The following ACAA2 variants were observed in gnomAD, a reference collection of about 807,000 sequenced individuals.
ACAA2 encodes the protein acetyl-CoA acyltransferase 2, also known as 3-ketoacyl-CoA thiolase, mitochondrial.
Under a neutral mutation model 44.8 loss-of-function variants are expected in ACAA2, and 35 were observed. The observed-to-expected ratio is 0.78, with a 90% CI of 0.60 to 1.04. The LOEUF is 1.04. Among genes scored for constraint, ACAA2 ranks in the 50% least tolerant of loss-of-function variants. The pLI, the probability that ACAA2 is intolerant of heterozygous loss-of-function variation, is 0.00. For missense variants in ACAA2, 468 were observed against 482.6 expected (o/e 0.97, Z 0.28); for synonymous variants, 142 against 166.5 (o/e 0.85, Z 1.13).
At chr18:49,795,515 G>A (rs1194251547) in intron 4 of ACAA2, among the ~76,000 whole-genome samples, 1 of 151,952 alleles carries the variant, frequency 6.6e-6, no homozygotes, top group East Asian at 1.9e-4. Flanking sequence ...CACTTACACA[G>A]GATAATTATA....
Position 49,794,290 on chromosome 18 carries a change from T to C in ACAA2, c.567A>G (p.Arg189=). The C allele has an allele frequency of 1.2e-6, 2 of 1,603,292 alleles. No individual in the cohort carries two copies. The highest frequency in any genetic ancestry group is 2.3e-4 in the Middle Eastern group (1 of 4,426). The part of the protein sequence containing the change: ...CDKYALQSQQ[R]WKAANDAGYF... ...TCCAGTTTCACTCACCAGCTTTCCATCTCTGCTGTGACTGCAGGGCATATT... is the reference window on the plus strand; with the variant it reads ...TCCAGTTTCACTCACCAGCTTTCCACCTCTGCTGTGACTGCAGGGCATATT... The change falls in exon 5 of 10, where the codon AGA becomes AGG. Residue 189 remains arginine (R), a synonymous_variant. Coordinates refer to ENST00000285093, the MANE Select transcript of ACAA2 (RefSeq NM_006111.3).
Position 49,798,295 on chromosome 18 carries a change from G to A in ACAA2, c.184-701C>T, listed in dbSNP as rs140829290. ...TGAATGATTGGTCAGGAGAGTAAGA[G>A]GTAGGAGTAGACCACCACTCCCAAA... On this transcript the variant is annotated intron_variant, in intron 2 of 9. Coordinates refer to ENST00000285093, the MANE Select transcript of ACAA2 (RefSeq NM_006111.3). Among the ~76,000 whole-genome samples, 59 of 152,288 alleles carry A rather than the reference G, an allele frequency of 3.9e-4. No individual in the cohort carries two copies. In the East Asian group the frequency reaches 8.5e-3, roughly 22 times the overall value.
chr18:49,784,969 G>A (rs956867334), intron 9 of ACAA2, among the ~76,000 whole-genome samples: 10 of 152,122 alleles, frequency 6.6e-5, no homozygotes, highest in African/African-American at 2.4e-4. Context: ...ACAGAGACTG[G>A]ACACACAGAG....
intron 7 of ACAA2, among the ~76,000 whole-genome samples, chr18:49,788,404 T>C (rs2023359013): frequency 6.6e-6 from 1 of 152,240 alleles, no homozygotes; most frequent in African/African-American, 2.4e-5. Context: ...ATAATATTTA[T>C]TTTGTCACGT....
In ACAA2 at chr18:49,791,514, A is replaced by C. The variant is rs2023398902; in HGVS notation, c.839T>G (p.Val280Gly). ...KHNFTPLARI[V>G]GYFVSGCDPS... ...ATCACATCCAGATACAAAGTAGCCC[A>C]CAATTCTTGCCAGTGGTGTGAAGTT... Residue 280 changes from valine (V) to glycine (G), a missense_variant, in exon 7 of 10, where the codon GTG becomes GGG. By Grantham distance (109) the Val-to-Gly change is moderately radical. Coordinates refer to ENST00000285093, the MANE Select transcript of ACAA2 (RefSeq NM_006111.3). 1 of 1,612,554 alleles carries C rather than the reference A, an allele frequency of 6.2e-7. No individual in the cohort carries two copies. The highest frequency in any genetic ancestry group is 8.5e-7 in the Non-Finnish European group (1 of 1,179,866).
In ACAA2 at chr18:49,797,587, G is replaced by A; in HGVS notation, c.191C>T (p.Ser64Leu). The A allele has an allele frequency of 6.2e-7, 1 of 1,606,838 alleles. No individual in the cohort carries two copies. Among genetic ancestry groups the A allele is most frequent in the Non-Finnish European group, 8.5e-7 (1 of 1,177,532 alleles). ...VIMGNVLQSS[S>L]DAIYLARHVG... is the part of the protein sequence containing the mutation. ...ATGCCTTGCCAAATATATAGCATCTGAAGAACTCTAGAAGAGAGAAGGAAA... is the reference window on the plus strand; with the variant it reads ...ATGCCTTGCCAAATATATAGCATCTAAAGAACTCTAGAAGAGAGAAGGAAA... Residue 64 changes from serine (S) to leucine (L), a missense_variant, in exon 3 of 10, where the codon TCA (serine) becomes TTA (leucine). By Grantham distance (145) the Ser-to-Leu change is moderately radical (BLOSUM62 -2). Transcript: ENST00000285093.
intron 9 of ACAA2, among the ~76,000 whole-genome samples, chr18:49,784,684 T>G (rs1239943122): frequency 1.3e-5 from 2 of 152,130 alleles, no homozygotes; most frequent in Admixed American, 1.3e-4. Flanking sequence ...GAGCTCCTCC[T>G]TCTGGTACTA....
chr18:49,801,025 C>T (rs1254446911), intron 2 of ACAA2, among the ~76,000 whole-genome samples: 1 of 151,762 alleles, frequency 6.6e-6, no homozygotes, highest in Non-Finnish European at 1.5e-5. Flanking sequence ...AGATTCTAGC[C>T]AGGGCAATTA....
rs2023292740 is a variant in ACAA2, at chr18:49,783,756, C to CATTGCTGCTCTGAAGGT, written c.*90_*91insACCTTCAGAGCAGCAAT. The CATTGCTGCTCTGAAGGT allele has an allele frequency of 2.0e-6, 2 of 1,018,974 alleles. No individual in the cohort carries two copies. The highest frequency in any genetic ancestry group is 1.4e-5 in the South Asian group (1 of 73,902). The allele number at this position is 1,018,974 out of a possible 1,614,324, so 63.1% of individuals were successfully genotyped here. ...TCACTGTTTCAATGGCAGGGCATGG[C>CATTGCTGCTCTGAAGGT]CAGTTGTGGCAGCTGCTCTGAAGGT... On this transcript the variant is annotated 3_prime_UTR_variant, in exon 10 of 10. Transcript: ENST00000285093.
intron 3 of ACAA2, among the ~76,000 whole-genome samples, chr18:49,796,445 A>G (rs2023465491): frequency 6.6e-6 from 1 of 152,194 alleles, no homozygotes; most frequent in Non-Finnish European, 1.5e-5. Flanking sequence ...CGAGGTCACT[A>G]TTTAAGATAT....
intron 2 of ACAA2, among the ~76,000 whole-genome samples, chr18:49,800,532 T>G (rs2023534658): frequency 6.6e-6 from 1 of 152,112 alleles, no homozygotes; most frequent in Non-Finnish European, 1.5e-5. Flanking sequence ...ATGGGAGACT[T>G]TTCATTTTGT....
chr18:49,802,475 T>C (rs933283155), intron 2 of ACAA2, among the ~76,000 whole-genome samples: 2 of 151,236 alleles, frequency 1.3e-5, no homozygotes, highest in African/African-American at 4.9e-5. Flanking sequence ...GGCAGGAGAA[T>C]TGCTTGAACC....
intron 7 of ACAA2, among the ~76,000 whole-genome samples, chr18:49,789,459 G>A (rs1001162344): frequency 6.6e-6 from 1 of 152,098 alleles, no homozygotes; most frequent in African/African-American, 2.4e-5. Context: ...TTCAAGCCCC[G>A]AGGAAAAATG....
intron 5 of ACAA2, 133 bp downstream of exon 5, chr18:49,794,145 CAA>C: frequency 2.7e-6 from 2 of 735,724 alleles, no homozygotes; most frequent in Non-Finnish European, 3.9e-6. Flanking sequence ...CATCTAAAGA[CAA>C]AGGAATAATG....
rs141892657 is a variant in ACAA2, at chr18:49,795,027, C to T, written c.430-600G>A. 2.5e-3 allele frequency among the ~76,000 whole-genome samples: 386 copies of T among 152,268 alleles called. 2 individuals carry two copies. The highest frequency in any genetic ancestry group is 6.8e-3 in the Middle Eastern group (2 of 294). On this transcript the variant is annotated intron_variant, in intron 4 of 9. Coordinates refer to ENST00000285093, the MANE Select transcript of ACAA2 (RefSeq NM_006111.3). Reference sequence around the variant, plus strand: ...CCTCATCAACATTTAACTCACTGACCTGTCTTCATAAAAGATATCTCAAAT... The same window carrying T: ...CCTCATCAACATTTAACTCACTGACTTGTCTTCATAAAAGATATCTCAAAT...
intron 8 of ACAA2, 191 bp from the exon 9 acceptor site, chr18:49,785,542 ACT>A (rs201930250): frequency 0.24 from 141,398 of 598,352 alleles, 17,427 homozygotes; most frequent in East Asian, 0.36. Flanking sequence ...ACTAAATAAT[ACT>A]TTTAGTCAAA....
chr18:49,800,603 C>A (rs1382906687), intron 2 of ACAA2, among the ~76,000 whole-genome samples: 1 of 152,194 alleles, frequency 6.6e-6, no homozygotes, highest in Non-Finnish European at 1.5e-5. Flanking sequence ...TTACCCCCAA[C>A]CCCGTGCTCT....
intron 8 of ACAA2, among the ~76,000 whole-genome samples, chr18:49,787,034 C>T (rs2023338362): frequency 6.6e-6 from 1 of 151,690 alleles, no homozygotes; most frequent in Non-Finnish European, 1.5e-5. Context: ...TAAGAAATTC[C>T]CAGGAATTTA....
intron 1 of ACAA2, among the ~76,000 whole-genome samples, chr18:49,813,199 C>CTCCA (rs2143989412): frequency 6.6e-6 from 1 of 152,368 alleles, no homozygotes; most frequent in African/African-American, 2.4e-5. Flanking sequence ...AAGGAATGAC[C>CTCCA]TCCAAGGTCA....
Sources: gnomAD v4.1 joint callset for allele counts (sites outside exome capture counted in the v4.1 genomes callset) on GRCh38, gnomAD v4.1.1 for gene constraint, MANE v1.5 for transcripts, NCBI Gene and HGNC (gene_info 2026-07-23, HGNC 2026-07-21) for gene names.